The following UPF2 variants were observed in gnomAD, a reference collection of about 807,000 sequenced individuals.
UPF2 encodes regulator of nonsense transcripts 2.
Under a neutral mutation model 141.4 loss-of-function variants are expected in UPF2, and 17 were observed. The observed-to-expected ratio is 0.12, with a 90% CI of 0.08 to 0.18. The LOEUF (loss-of-function observed/expected upper bound fraction) is 0.18. Ranked by LOEUF, UPF2 falls within the 10% of genes least tolerant of loss-of-function variation. The probability of loss-of-function intolerance (pLI) is 1.00; values close to 1 mark genes in which losing one functional copy is unlikely to be tolerated. For missense variants in UPF2, 1,152 were observed against 1,515.9 expected (o/e 0.76, Z 3.99); for synonymous variants, 540 against 498.0 (o/e 1.08, Z -1.12).
intron 9 of UPF2, among the ~76,000 whole-genome samples, chr10:11,977,694 C>T (rs892275338): frequency 1.3e-5 from 2 of 152,156 alleles, no homozygotes; most frequent in African/African-American, 4.8e-5. Context: ...AAGAATATCA[C>T]GGCTTCTGCT....
rs1471221763 is a variant in UPF2, at chr10:11,921,940, C to T, written c.3810-633G>A. ...GTGACCGTATTTGGAAACAAGGTTGCTGTAGACGTAATTACTTCAGATAAG... is the reference window on the plus strand; with the variant it reads ...GTGACCGTATTTGGAAACAAGGTTGTTGTAGACGTAATTACTTCAGATAAG... On this transcript the variant is annotated intron_variant, in intron 21 of 21. Transcript: ENST00000357604. This position sits in a 1 kb window ranked among gnomAD's most constrained non-coding sequence, Gnocchi z 5.9. 6.6e-6 allele frequency among the ~76,000 whole-genome samples: 1 copy of T among 152,170 alleles called. No homozygotes were observed. Among genetic ancestry groups the T allele is most frequent in the African/African-American group, 2.4e-5 (1 of 41,436 alleles).
At chr10:12,010,653 GA>G (rs1834111289) in intron 4 of UPF2, among the ~76,000 whole-genome samples, 1 of 152,052 alleles carries the variant, frequency 6.6e-6, no homozygotes, top group Non-Finnish European at 1.5e-5. Flanking sequence ...GACGAAGAAG[GA>G]AAGAGAAAAC....
intron 16 of UPF2, among the ~76,000 whole-genome samples, chr10:11,944,917 C>T (rs369505562): frequency 9.7e-4 from 147 of 152,202 alleles, no homozygotes; most frequent in African/African-American, 3.4e-3. Flanking sequence ...GTTCAAATAC[C>T]GGCTCTGCCA....
intron 21 of UPF2, among the ~76,000 whole-genome samples, chr10:11,929,499 T>A (rs1404506709): frequency 6.6e-6 from 1 of 152,104 alleles, no homozygotes; most frequent in African/African-American, 2.4e-5. Context: ...TAGCCAGGTA[T>A]GGTGGTGCAT....
intron 6 of UPF2, among the ~76,000 whole-genome samples, chr10:12,000,367 G>A (rs1410395627): frequency 1.3e-5 from 2 of 152,192 alleles, no homozygotes; most frequent in African/African-American, 2.4e-5. Flanking sequence ...GAAGAACTAA[G>A]CCTCCCTATT....
chr10:11,934,773 A>G (rs1445345107), intron 19 of UPF2, among the ~76,000 whole-genome samples: 1 of 152,122 alleles, frequency 6.6e-6, no homozygotes, highest in East Asian at 1.9e-4. Flanking sequence ...TATTTTTAGT[A>G]GAGACGGGGT....
intron 2 of UPF2, among the ~76,000 whole-genome samples, chr10:12,034,822 G>T (rs527759823): frequency 2.0e-5 from 3 of 152,026 alleles, no homozygotes; most frequent in Admixed American, 6.6e-5. Flanking sequence ...ATAAATAAAA[G>T]ATTACCCAGG....
At position 11,935,896 on chromosome 10, in the gene UPF2, CAAG is replaced by C. The variant is rs894780536; in HGVS notation, c.3546+646_3546+648del. On this transcript the variant is annotated intron_variant, in intron 19 of 21. Transcript: ENST00000357604. The surrounding 1 kb of genome is among the most constrained non-coding windows in gnomAD (Gnocchi z 4.9). ...CTTGTATGAAGGGGGAAAGGGCAAA[CAAG>C]AAGAATGGAGAGGGATATGGAGAAG... Among the ~76,000 whole-genome samples the C allele has an allele frequency of 2.0e-5, 3 of 152,174 alleles. No individual in the cohort carries two copies. Among genetic ancestry groups the C allele is most frequent in the South Asian group, 2.1e-4 (1 of 4,810 alleles).
intron 9 of UPF2, among the ~76,000 whole-genome samples, chr10:11,976,075 T>A (rs1011125216): frequency 6.6e-6 from 1 of 152,214 alleles, no homozygotes; most frequent in Non-Finnish European, 1.5e-5. Flanking sequence ...ACCTGAAGTA[T>A]CTGAGAATGT....
At chr10:12,005,141 A>G (rs745917097) in intron 4 of UPF2, among the ~76,000 whole-genome samples, 52 of 149,904 alleles carry the variant, frequency 3.5e-4, no homozygotes, top group Non-Finnish European at 6.9e-4. Flanking sequence ...ATAATCCTCT[A>G]TACTATTTAC....
chr10:11,932,067 T>C (rs1832788407), intron 19 of UPF2, among the ~76,000 whole-genome samples: 1 of 152,040 alleles, frequency 6.6e-6, no homozygotes, highest in Non-Finnish European at 1.5e-5. Flanking sequence ...GAGAACTGCT[T>C]GAACCCAGGA....
chr10:12,034,498 G>GA (rs778686943), intron 2 of UPF2, among the ~76,000 whole-genome samples: 1 of 151,596 alleles, frequency 6.6e-6, no homozygotes, highest in African/African-American at 2.4e-5. Context: ...AATTTTGTAT[G>GA]AAAAAAAGTC....
intron 21 of UPF2, among the ~76,000 whole-genome samples, chr10:11,927,853 T>C (rs1832731814): frequency 6.6e-6 from 1 of 152,188 alleles, no homozygotes; most frequent in Non-Finnish European, 1.5e-5. Flanking sequence ...ATATGTTCAG[T>C]GATGTCCAGT....
At chr10:12,024,921 G>A (rs1429018852) in intron 3 of UPF2, among the ~76,000 whole-genome samples, 1 of 92,372 alleles carries the variant, frequency 1.1e-5, no homozygotes, top group Non-Finnish European at 2.0e-5. Context: ...GTAAGAGGGA[G>A]ACCCTGTTAC....
At chr10:11,976,677 T>A (rs1485853983) in intron 9 of UPF2, among the ~76,000 whole-genome samples, 2 of 151,924 alleles carry the variant, frequency 1.3e-5, no homozygotes, top group Non-Finnish European at 2.9e-5. Context: ...GGTAAATGCA[T>A]CCCATTAAAA....
intron 16 of UPF2, 122 bp downstream of exon 16, chr10:11,948,247 C>CA (rs139062017): frequency 0.061 from 28,210 of 466,004 alleles, 13 homozygotes; most frequent in Non-Finnish European, 0.069. Context: ...GACTCTGTCT[C>CA]AAAAAAAAAA....
At chr10:12,020,082 T>A (rs1351093446) in intron 3 of UPF2, among the ~76,000 whole-genome samples, 1 of 152,102 alleles carries the variant, frequency 6.6e-6, no homozygotes, top group Middle Eastern at 3.2e-3. Context: ...AGCCAGTCAA[T>A]TTTTGAGTCA....
intron 9 of UPF2, among the ~76,000 whole-genome samples, chr10:11,970,576 C>T (rs1311567243): frequency 6.6e-6 from 1 of 152,118 alleles, no homozygotes; most frequent in African/African-American, 2.4e-5. Context: ...CTTTGGAAGG[C>T]CAAGGCAGGT....
At chr10:12,033,456 C>A (rs1342079707) in intron 2 of UPF2, among the ~76,000 whole-genome samples, 1 of 152,044 alleles carries the variant, frequency 6.6e-6, no homozygotes, top group African/African-American at 2.4e-5. Context: ...TGGCTTGAGC[C>A]TGGGAGGTCA....
Sources: gnomAD v4.1 joint callset for allele counts (sites outside exome capture counted in the v4.1 genomes callset) on GRCh38, gnomAD v4.1.1 for gene constraint, Gnocchi (gnomAD v3.1) non-coding constraint, MANE v1.5 for transcripts, NCBI Gene and HGNC (gene_info 2026-07-23, HGNC 2026-07-21) for gene names.